The following SLC44A5 variants were observed in gnomAD, a reference collection of about 807,000 sequenced individuals.
The protein encoded by SLC44A5 is solute carrier family 44 member 5, also known as choline transporter-like protein 5.
Under a neutral mutation model 101.8 loss-of-function variants are expected in SLC44A5, and 57 were observed. The observed-to-expected ratio is 0.56, with a 90% CI of 0.45 to 0.70. The LOEUF (loss-of-function observed/expected upper bound fraction) is 0.70, where lower values mean the gene tolerates loss of function less well. Among genes scored for constraint, SLC44A5 ranks in the 30% least tolerant of loss-of-function variants. The pLI, the probability that SLC44A5 is intolerant of heterozygous loss-of-function variation, is 0.00. For synonymous variants in SLC44A5, 281 were observed against 290.9 expected, an observed-to-expected ratio of 0.97 and a Z score of 0.35; for missense variants, 737 against 853.1, an observed-to-expected ratio of 0.86 and a Z score of 1.70.
chr1:75,719,166 T>C, the SLC44A5 span, among the ~76,000 whole-genome samples: 1 of 152,126 alleles, frequency 6.6e-6, no homozygotes, highest in African/African-American at 2.4e-5. Context: ...GAATGTCACT[T>C]TCTAACAGGA....
intron 2 of SLC44A5, among the ~76,000 whole-genome samples, chr1:75,427,740 T>C (rs74089241): frequency 0.35 from 53,767 of 152,026 alleles, 9,707 homozygotes; most frequent in African/African-American, 0.42. Context: ...AATAAAAATG[T>C]CGTTGTGAGG....
intron 11 of SLC44A5, among the ~76,000 whole-genome samples, chr1:75,235,370 G>A (rs1647981185): frequency 6.6e-6 from 1 of 151,966 alleles, no homozygotes; most frequent in South Asian, 2.1e-4. Context: ...TGGTGCCTGG[G>A]TGGAGAGGGT....
intron 2 of SLC44A5, among the ~76,000 whole-genome samples, chr1:75,529,997 C>G (rs778479513): frequency 1.4e-4 from 22 of 152,068 alleles, no homozygotes; most frequent in Non-Finnish European, 2.4e-4. Context: ...CAGGAGAAAA[C>G]TTCCTTTAAA....
chr1:75,716,485 CAAAA>C, the SLC44A5 span, among the ~76,000 whole-genome samples: 1 of 151,628 alleles, frequency 6.6e-6, no homozygotes, highest in Non-Finnish European at 1.5e-5. Context: ...AAAGGAAAAA[CAAAA>C]AGAAAAGGGA....
chr1:75,596,431 G>T (rs978958737), intron 1 of SLC44A5, among the ~76,000 whole-genome samples: 1 of 152,082 alleles, frequency 6.6e-6, no homozygotes, highest in African/African-American at 2.4e-5. Context: ...GAGGGAGAGT[G>T]ACTCCTCTCT....
At chr1:75,577,208 A>C (rs2102057147) in intron 1 of SLC44A5, among the ~76,000 whole-genome samples, 1 of 152,150 alleles carries the variant, frequency 6.6e-6, no homozygotes, top group East Asian at 1.9e-4. Flanking sequence ...ATCCTACTTG[A>C]CCTCCTCTTC....
intron 10 of SLC44A5, 79 bp downstream of exon 10, chr1:75,238,434 C>A: frequency 1.1e-6 from 1 of 934,670 alleles, no homozygotes; most frequent in South Asian, 2.3e-5. Flanking sequence ...TCCTATAACC[C>A]TTAACCCAAT....
chr1:75,685,738 C>T, the SLC44A5 span, among the ~76,000 whole-genome samples: 4 of 152,214 alleles, frequency 2.6e-5, no homozygotes, highest in Non-Finnish European at 2.9e-5. Context: ...ACTGTTCCAA[C>T]ATCTGTCTGT....
intron 2 of SLC44A5, among the ~76,000 whole-genome samples, chr1:75,496,274 G>C (rs1315692434): frequency 6.6e-6 from 1 of 152,032 alleles, no homozygotes; most frequent in East Asian, 1.9e-4. Flanking sequence ...CAGTGGAACA[G>C]AATAAGAGAG....
the SLC44A5 span, among the ~76,000 whole-genome samples, chr1:75,617,672 T>C: frequency 6.6e-6 from 1 of 152,220 alleles, no homozygotes; most frequent in Non-Finnish European, 1.5e-5. Context: ...AGAACATGTT[T>C]CTTTTAATAA....
chr1:75,705,465 C>A, the SLC44A5 span, among the ~76,000 whole-genome samples: 5 of 152,096 alleles, frequency 3.3e-5, no homozygotes, highest in East Asian at 7.7e-4. Flanking sequence ...TTTACACTTT[C>A]CTCTTGATAC....
chr1:75,667,692 A>G, the SLC44A5 span, among the ~76,000 whole-genome samples: 1 of 152,216 alleles, frequency 6.6e-6, no homozygotes, highest in Non-Finnish European at 1.5e-5. Context: ...TATCTGAAAG[A>G]ATACACAAGA....
chr1:75,586,369 ATG>A (rs138209068), intron 1 of SLC44A5, among the ~76,000 whole-genome samples: 1 of 138,896 alleles, frequency 7.2e-6, no homozygotes, highest in African/African-American at 2.7e-5. Context: ...GTATGTATAT[ATG>A]TGTGTGTGTG....
At chr1:75,537,539 A>G (rs1336163480) in intron 2 of SLC44A5, among the ~76,000 whole-genome samples, 2 of 152,246 alleles carry the variant, frequency 1.3e-5, no homozygotes, top group Non-Finnish European at 2.9e-5. Flanking sequence ...TGCATGTTTG[A>G]TGCATCTAAG....
At chr1:75,621,826 T>C in the SLC44A5 span, among the ~76,000 whole-genome samples, 2,100 of 152,132 alleles carry the variant, frequency 0.014, 43 homozygotes, top group African/African-American at 0.045. Flanking sequence ...ATAGAAATAA[T>C]AGTTGAAAGA....
chr1:75,376,840 A>G (rs1357086428), intron 3 of SLC44A5, among the ~76,000 whole-genome samples: 5 of 152,240 alleles, frequency 3.3e-5, no homozygotes, highest in Admixed American at 6.5e-5. Context: ...TGACTTTGAC[A>G]AGCTGAGAGC....
intron 2 of SLC44A5, among the ~76,000 whole-genome samples, chr1:75,448,214 G>A (rs1665696186): frequency 6.6e-6 from 1 of 152,142 alleles, no homozygotes; most frequent in Non-Finnish European, 1.5e-5. Context: ...AGGCAGTGGG[G>A]AGGCTCTGCT....
chr1:75,432,181 G>A (rs1420608331), intron 2 of SLC44A5, among the ~76,000 whole-genome samples: 1 of 152,068 alleles, frequency 6.6e-6, no homozygotes, highest in Non-Finnish European at 1.5e-5. Flanking sequence ...AGGCTGCCTG[G>A]TGAACCTTCC....
At chr1:75,227,239 T>A (rs554062871) in intron 13 of SLC44A5, among the ~76,000 whole-genome samples, 1 of 152,156 alleles carries the variant, frequency 6.6e-6, no homozygotes, top group African/African-American at 2.4e-5. Flanking sequence ...GTGGCACACA[T>A]CTGTGGTCCT....
Sources: gnomAD v4.1 joint callset for allele counts (sites outside exome capture counted in the v4.1 genomes callset) on GRCh38, gnomAD v4.1.1 for gene constraint, MANE v1.5 for transcripts, NCBI Gene and HGNC (gene_info 2026-07-23, HGNC 2026-07-21) for gene names.